Variants in KRT33B observed in about 807,000 individuals in gnomAD.
KRT33B encodes the protein keratin, type I cuticular Ha3-II.
A neutral mutation model predicts 42.7 loss-of-function variants in KRT33B; 37 were observed. The ratio of observed to expected loss-of-function variants is 0.87; its 90% CI spans 0.67 to 1.14. The LOEUF is 1.14. KRT33B is among the 50% of genes most tolerant of loss of function. KRT33B has a pLI of 0.00. For synonymous variants in KRT33B, 237 were observed against 221.2 expected (o/e 1.07, Z -0.63); for missense variants, 523 against 515.1 (o/e 1.02, Z -0.15).
In KRT33B at chr17:41,367,952, C is replaced by T. The variant is rs772897270; in HGVS notation, c.387G>A (p.Val129=). 1 of 1,613,054 alleles carries T rather than the reference C, an allele frequency of 6.2e-7. No homozygotes were observed. Among genetic ancestry groups the T allele is most frequent in the Non-Finnish European group, 8.5e-7 (1 of 1,180,006 alleles). ...CSKSENARLV[V]QIDNAKLAAD... ...CAGCCAGCTTGGCATTGTCGATCTG[C>T]ACCACCAGCCTGGCATTCTCAGACT... The change falls in exon 2 of 7, where the codon GTG becomes GTA. Residue 129 remains valine, a synonymous_variant. Transcript: ENST00000251646.
At chr17:41,365,335 G>C in intron 4 of KRT33B, 35 bp from the exon 5 acceptor site, 1 of 1,610,726 alleles carries the variant, frequency 6.2e-7, no homozygotes, top group Non-Finnish European at 8.5e-7. Flanking sequence ...ATCAGACCCT[G>C]CCTCCGGGGC....
chr17:41,364,837 C>G lies in KRT33B; in HGVS notation c.1039G>C (p.Ala347Pro), dbSNP rs753184081. 8.1e-6 allele frequency: 13 copies of G among 1,613,028 alleles called. No individual in the cohort carries two copies. Among genetic ancestry groups the G allele is most frequent in the Middle Eastern group, 1.7e-4 (1 of 6,054 alleles). ...GTGTTGATCTCACACTCCAGCCGCGCCCGCACGTCCAGCAGCACCTGATAC... is the reference window on the plus strand; with the variant it reads ...GTGTTGATCTCACACTCCAGCCGCGGCCGCACGTCCAGCAGCACCTGATAC... ...QEYQVLLDVR[A>P]RLECEINTYR... is the part of the protein sequence containing the mutation. Residue 347 changes from alanine to proline, a missense_variant, in exon 6 of 7, where the codon GCG (alanine) becomes CCG (proline). Ala to Pro is a conservative substitution (Grantham distance 27). Transcript: ENST00000251646.
intron 1 of KRT33B, among the ~76,000 whole-genome samples, chr17:41,368,683 A>T (rs936887320): frequency 6.6e-6 from 1 of 151,236 alleles, no homozygotes; most frequent in African/African-American, 2.5e-5. Context: ...CTGGCATCTA[A>T]TTTTCCAGAT....
chr17:41,364,513 G>A (rs940732430), intron 6 of KRT33B, among the ~76,000 whole-genome samples: 3 of 151,372 alleles, frequency 2.0e-5, no homozygotes, highest in Non-Finnish European at 4.4e-5. Context: ...CAGTCCTGAA[G>A]ACAGAAAGAT....
Position 41,367,985 on chromosome 17 carries a change from C to G in KRT33B, c.354G>C (p.Leu118=), listed in dbSNP as rs1338013995. The G allele has an allele frequency of 1.1e-5, 17 of 1,613,044 alleles. No individual in the cohort carries two copies. The highest frequency in any genetic ancestry group is 1.4e-5 in the Non-Finnish European group (17 of 1,179,988). The stretch of plus-strand genomic sequence containing the variant: ...GCCTGGCATTCTCAGACTTGCTGCA[C>G]AGGATCTGGGGATAGGATTAATCAT... The part of the protein sequence containing the change: ...KTIEELQQKI[L]CSKSENARLV... The change falls in exon 2 of 7, where the codon CTG becomes CTC. Residue 118 remains leucine, a synonymous_variant. Transcript: ENST00000251646.
chr17:41,364,739 T>C lies in KRT33B; in HGVS notation c.1097+40A>G, dbSNP rs751670498. The C allele has an allele frequency of 3.6e-5, 58 of 1,610,278 alleles. 1 individual carries two copies. The South Asian group carries it at 4.1e-4, about 11-fold the overall frequency. The stretch of plus-strand genomic sequence containing the variant: ...TCTGTTTTATCCTACAGTAGAACAG[T>C]GCCTGTCCCTTGCAGGGGTGCCGTC... On this transcript the variant is annotated intron_variant, in intron 6 of 6. Transcript: ENST00000251646.
At chr17:41,367,781 A>T in intron 2 of KRT33B, 127 bp downstream of exon 2, 1 of 781,552 alleles carries the variant, frequency 1.3e-6, no homozygotes, top group Non-Finnish European at 2.2e-6. Flanking sequence ...ATTTAACCTA[A>T]TCCTAACCCA....
In KRT33B at chr17:41,363,744, G is replaced by A. The variant is rs2017652942; in HGVS notation, c.*92C>T. 8.7e-6 allele frequency: 7 copies of A among 806,244 alleles called. No individual in the cohort carries two copies. Among genetic ancestry groups the A allele is most frequent in the South Asian group, 6.9e-5 (4 of 57,948 alleles). 49.9% of individuals were successfully genotyped at this position (806,244 alleles called of 1,614,324 possible). ...TGATTTGTGGTGATGCCTCGGGGTG[G>A]GGTCCGGTGGCTGATGGTTGTCAGA... On this transcript the variant is annotated 3_prime_UTR_variant, in exon 7 of 7. Transcript: ENST00000251646.
rs555132937 is a variant in KRT33B, at chr17:41,369,069, A to T, written c.348+334T>A. Among the ~76,000 whole-genome samples, 4 of 151,590 alleles carry T rather than the reference A, an allele frequency of 2.6e-5. No homozygotes were observed. In the South Asian group the frequency reaches 8.3e-4, roughly 31 times the overall value. ...TTAGCATAGAAAATAATTCAGGTGC[A>T]TACTTTTTGAAAATGCGGTAATGCT... is the stretch of plus-strand genomic sequence containing the variant. On this transcript the variant is annotated intron_variant, in intron 1 of 6. Transcript: ENST00000251646.
Position 41,369,563 on chromosome 17 carries a change from A to G in KRT33B, c.188T>C (p.Leu63Pro). The part of the protein sequence containing the change: ...NGSEKETMQF[L>P]NDRLASYLEK... ...CAGGTAGCTGGCCAGGCGGTCGTTC[A>G]GGAACTGCATAGTCTCCTTCTCGCT... Residue 63 changes from leucine (L) to proline (P), a missense_variant, in exon 1 of 7, where the codon CTG becomes CCG. Leu to Pro is a moderately conservative substitution (Grantham distance 98). Coordinates refer to ENST00000251646, the MANE Select transcript of KRT33B (RefSeq NM_002279.5). 2 of 1,613,938 alleles carry G rather than the reference A, an allele frequency of 1.2e-6. No homozygotes were observed. The highest frequency in any genetic ancestry group is 1.7e-6 in the Non-Finnish European group (2 of 1,180,048).
At position 41,367,964 on chromosome 17, in the gene KRT33B, G is replaced by C; in HGVS notation, c.375C>G (p.Ala125=). The stretch of plus-strand genomic sequence containing the variant: ...CATTGTCGATCTGCACCACCAGCCT[G>C]GCATTCTCAGACTTGCTGCACAGGA... The part of the protein sequence containing the change: ...QKILCSKSEN[A]RLVVQIDNAK... Residue 125 remains alanine (A), a synonymous_variant, in exon 2 of 7, where the codon GCC becomes GCG. Transcript: ENST00000251646. The C allele has an allele frequency of 6.2e-7, 1 of 1,612,994 alleles. No individual in the cohort carries two copies. Among genetic ancestry groups the C allele is most frequent in the Non-Finnish European group, 8.5e-7 (1 of 1,179,994 alleles).
chr17:41,367,334 T>C lies in KRT33B; in HGVS notation c.431+574A>G, dbSNP rs561323371. On this transcript the variant is annotated intron_variant, in intron 2 of 6. Coordinates refer to ENST00000251646, the MANE Select transcript of KRT33B (RefSeq NM_002279.5). ...TGACTAACGTATACAAAGAGACCAA[T>C]GTGAAAATCACTTTCAAACTTACTC... is the stretch of plus-strand genomic sequence containing the variant. 4.0e-4 allele frequency among the ~76,000 whole-genome samples: 60 copies of C among 151,542 alleles called. 6 individuals carry two copies. Among genetic ancestry groups the C allele is most frequent in the African/African-American group, 1.4e-3 (58 of 40,818 alleles).
rs745783570 is a variant in KRT33B, at chr17:41,366,479, G to A, written c.579C>T (p.Asn193=). 1.9e-6 allele frequency: 3 copies of A among 1,612,422 alleles called. No individual in the cohort carries two copies. The East Asian group carries it at 6.7e-5, about 36-fold the overall frequency. ...LKEELLSLKQ[N]HEQEVNTLRC... ...GGGCTGGGACTCTTACCTGCTCATG[G>A]TTCTGCTTGAGGGACAGCAGCTCCT... The change falls in exon 3 of 7, where the codon AAC becomes AAT. Residue 193 remains asparagine, a synonymous_variant. Transcript: ENST00000251646.
rs1187807932 is a variant in KRT33B, at chr17:41,365,260, T to G, written c.791A>C (p.Gln264Pro). The change falls in exon 5 of 7, where the codon CAG (glutamine) becomes CCG (proline). Residue 264 changes from glutamine (Q) to proline (P), a missense_variant. Gln to Pro is a moderately conservative substitution (Grantham distance 76). Coordinates refer to ENST00000251646, the MANE Select transcript of KRT33B (RefSeq NM_002279.5). ...GATCTCCGCCTGGTAGGACTGCAGC[T>G]GCTCCGAGCTGGATACCACCTGCTT... ...LNKQVVSSSE[Q>P]LQSYQAEIIE... 2 of 1,611,784 alleles carry G rather than the reference T, an allele frequency of 1.2e-6. No individual in the cohort carries two copies. Among genetic ancestry groups the G allele is most frequent in the Non-Finnish European group, 1.7e-6 (2 of 1,179,992 alleles).
chr17:41,364,998 C>A lies in KRT33B; in HGVS notation c.878G>T (p.Arg293Leu). Residue 293 changes from arginine (R) to leucine (L), a missense_variant and splice_region_variant, in exon 6 of 7, where the codon CGA becomes CTA. Arg to Leu is a moderately radical substitution (Grantham distance 102). Coordinates refer to ENST00000251646, the MANE Select transcript of KRT33B (RefSeq NM_002279.5). ...EIELQAQHNL[R>L]YSLENTLTES... ...TGTCAGCGTGTTTTCCAGAGAGTAT[C>A]GCTGTGGTGGGAAAGATCAGGAATG... 1.2e-6 allele frequency: 2 copies of A among 1,613,226 alleles called. No homozygotes were observed. The highest frequency in any genetic ancestry group is 1.7e-6 in the Non-Finnish European group (2 of 1,180,020).
At chr17:41,367,345 C>T (rs2017713699) in intron 2 of KRT33B, among the ~76,000 whole-genome samples, 1 of 151,338 alleles carries the variant, frequency 6.6e-6, no homozygotes, top group Admixed American at 6.6e-5. Flanking sequence ...GTGAAAATCA[C>T]TTTCAAACTT....
chr17:41,364,847 C>T lies in KRT33B; in HGVS notation c.1029G>A (p.Leu343=), dbSNP rs2017674003. ...ERQNQEYQVL[L]DVRARLECEI... is the part of the protein sequence containing the mutation. Reference sequence around the variant, plus strand: ...CACACTCCAGCCGCGCCCGCACGTCCAGCAGCACCTGATACTCCTGGTTCT... The same window carrying T: ...CACACTCCAGCCGCGCCCGCACGTCTAGCAGCACCTGATACTCCTGGTTCT... The change falls in exon 6 of 7, where the codon CTG becomes CTA. Residue 343 remains leucine, a synonymous_variant. Coordinates refer to ENST00000251646, the MANE Select transcript of KRT33B (RefSeq NM_002279.5). The T allele has an allele frequency of 2.5e-6, 4 of 1,613,074 alleles. No individual in the cohort carries two copies. The highest frequency in any genetic ancestry group is 1.1e-5 in the South Asian group (1 of 91,078).
chr17:41,369,364 T>C (rs770586672), intron 1 of KRT33B, 39 bp downstream of exon 1: 3 of 1,606,666 alleles, frequency 1.9e-6, no homozygotes, highest in Non-Finnish European at 2.6e-6. Context: ...TATAGATAAG[T>C]AGTTCATTAA....
At chr17:41,367,054 A>G (rs188646672) in intron 2 of KRT33B, among the ~76,000 whole-genome samples, 1 of 151,342 alleles carries the variant, frequency 6.6e-6, no homozygotes, top group African/African-American at 2.5e-5. Context: ...AAATGACTGT[A>G]GATAGATACC....
Sources: allele counts gnomAD v4.1 joint callset (sites outside exome capture counted in the v4.1 genomes callset), GRCh38; gene constraint gnomAD v4.1.1; transcripts MANE v1.5; gene names NCBI Gene and HGNC (gene_info 2026-07-23, HGNC 2026-07-21).